Variants in MTUS2 observed in about 807,000 individuals in gnomAD.
The protein encoded by MTUS2 is microtubule-associated tumor suppressor candidate 2.
Under a neutral mutation model 114.1 loss-of-function variants are expected in MTUS2, and 40 were observed. The observed-to-expected ratio is 0.35, with a 90% CI of 0.27 to 0.46. The LOEUF (loss-of-function observed/expected upper bound fraction) is 0.46, where lower values mean the gene tolerates loss of function less well. Among genes scored for constraint, MTUS2 ranks in the 20% least tolerant of loss-of-function variants. MTUS2 has a pLI of 1.00. For synonymous variants in MTUS2, 688 were observed against 672.0 expected (o/e 1.02, Z -0.37); for missense variants, 1,679 against 1,705.4 (o/e 0.98, Z 0.27).
chr13:29,339,355 C>T (rs1358113225), intron 7 of MTUS2, among the ~76,000 whole-genome samples: 1 of 152,162 alleles, frequency 6.6e-6, no homozygotes. Context: ...TCCTGATGGG[C>T]TTGAAAGCTG....
intron 2 of MTUS2, among the ~76,000 whole-genome samples, chr13:28,987,281 G>A (rs1884630627): frequency 1.3e-5 from 2 of 152,162 alleles, no homozygotes; most frequent in South Asian, 2.1e-4. Context: ...GACACACAGA[G>A]GGTGTGGACA....
At chr13:28,863,501 A>AC (rs1023760187) in intron 2 of MTUS2, among the ~76,000 whole-genome samples, 12 of 152,064 alleles carry the variant, frequency 7.9e-5, no homozygotes, top group African/African-American at 2.7e-4. Flanking sequence ...GTATTAGTAA[A>AC]CACCGTTTCT....
At chr13:28,947,131 A>T (rs929599854) in intron 2 of MTUS2, among the ~76,000 whole-genome samples, 1 of 152,182 alleles carries the variant, frequency 6.6e-6, no homozygotes, top group African/African-American at 2.4e-5. Context: ...GGCTTACATA[A>T]GATTTTATAT....
At chr13:28,836,148 T>C (rs1259203392) in intron 1 of MTUS2, among the ~76,000 whole-genome samples, 1 of 152,232 alleles carries the variant, frequency 6.6e-6, no homozygotes, top group East Asian at 1.9e-4. Flanking sequence ...GAATTTAATA[T>C]ATTTTATCTA....
At chr13:28,829,408 T>G (rs1874505357) in intron 1 of MTUS2, among the ~76,000 whole-genome samples, 1 of 151,936 alleles carries the variant, frequency 6.6e-6, no homozygotes, top group Non-Finnish European at 1.5e-5. Context: ...GGTGTGTGTA[T>G]GTAATCTCAG....
chr13:28,886,368 TTA>T (rs940163839), intron 2 of MTUS2, among the ~76,000 whole-genome samples: 3 of 151,584 alleles, frequency 2.0e-5, no homozygotes. Flanking sequence ...AGGCAGGAGA[TTA>T]TAGAGACCTG....
chr13:29,271,523 T>A (rs1392107997), intron 5 of MTUS2, among the ~76,000 whole-genome samples: 1 of 152,184 alleles, frequency 6.6e-6, no homozygotes, highest in Non-Finnish European at 1.5e-5. Flanking sequence ...GTTAGTACCT[T>A]CGCATATCCC....
chr13:29,443,874 G>T (rs886625338), intron 9 of MTUS2, among the ~76,000 whole-genome samples: 1 of 152,108 alleles, frequency 6.6e-6, no homozygotes, highest in Non-Finnish European at 1.5e-5. Context: ...GGAGGGATGT[G>T]GGGGGACATG....
At chr13:28,857,874 G>A (rs1876734990) in intron 2 of MTUS2, among the ~76,000 whole-genome samples, 1 of 152,144 alleles carries the variant, frequency 6.6e-6, no homozygotes, top group African/African-American at 2.4e-5. Context: ...TCTTTCCAGA[G>A]ATCCTTTTGA....
rs71090215 is a variant in MTUS2 at position 28,976,203 on chromosome 13, C to CAAA, written c.-242-48235_-242-48233dup. ...TAGATGACAGAATGAGACCTTGTCT[C>CAAA]AAAAAAAAAAAAAAAAAAAAAGAAA... On this transcript the variant is annotated intron_variant, in intron 2 of 15. Coordinates refer to ENST00000612955, the MANE Select transcript of MTUS2 (RefSeq NM_001033602.4). 8.3e-4 allele frequency among the ~76,000 whole-genome samples: 75 copies of CAAA among 90,120 alleles called. 2 individuals are homozygous for CAAA. Among genetic ancestry groups the CAAA allele is most frequent in the African/African-American group, 2.7e-3 (61 of 22,968 alleles). 59.1% of individuals were successfully genotyped at this position (90,120 alleles called of 152,430 possible).
At chr13:28,982,359 G>A (rs889854986) in intron 2 of MTUS2, among the ~76,000 whole-genome samples, 2 of 145,736 alleles carry the variant, frequency 1.4e-5, no homozygotes, top group Non-Finnish European at 3.0e-5. Context: ...AAAAAAAAAA[G>A]AAAATAGCAA....
chr13:29,040,942 C>A (rs368173380), intron 4 of MTUS2, among the ~76,000 whole-genome samples: 44 of 152,252 alleles, frequency 2.9e-4, no homozygotes, highest in African/African-American at 9.1e-4. Flanking sequence ...TTTTACTGTG[C>A]AGAAGCTTTT....
intron 2 of MTUS2, among the ~76,000 whole-genome samples, chr13:29,001,148 G>T (rs1003784532): frequency 1.3e-5 from 2 of 152,124 alleles, no homozygotes; most frequent in Non-Finnish European, 2.9e-5. Flanking sequence ...CTTTTTGCTG[G>T]GATGCTTCTC....
chr13:29,406,315 C>A (rs1409692542), intron 8 of MTUS2, among the ~76,000 whole-genome samples: 1 of 152,154 alleles, frequency 6.6e-6, no homozygotes, highest in Non-Finnish European at 1.5e-5. Flanking sequence ...GCGATTCTGG[C>A]TCAGGATTGC....
chr13:29,478,924 A>G (rs1472924542), intron 9 of MTUS2, among the ~76,000 whole-genome samples: 2 of 152,168 alleles, frequency 1.3e-5, no homozygotes, highest in Non-Finnish European at 1.5e-5. Context: ...CGAATCCATC[A>G]CTTATTTCAC....
intron 3 of MTUS2, among the ~76,000 whole-genome samples, chr13:29,031,425 G>T (rs927165232): frequency 1.2e-4 from 18 of 151,904 alleles, no homozygotes; most frequent in African/African-American, 4.4e-4. Context: ...TATATAGAGA[G>T]AGATTGATTG....
In MTUS2 at chr13:29,161,167, C is replaced by A. The variant is rs1370427478; in HGVS notation, c.2644+60197C>A. Among the ~76,000 whole-genome samples, 3 of 152,274 alleles carry A rather than the reference C, an allele frequency of 2.0e-5. No homozygotes were observed. The East Asian group carries it at 5.8e-4, about 29-fold the overall frequency. On this transcript the variant is annotated intron_variant, in intron 5 of 15. Coordinates refer to ENST00000612955, the MANE Select transcript of MTUS2 (RefSeq NM_001033602.4). The stretch of plus-strand genomic sequence containing the variant: ...AACTAAATATGCGTGCACACACGTG[C>A]ATACACACAAATGAGTTTAGGTAAA...
At chr13:29,073,053 G>C (rs1428045206) in intron 4 of MTUS2, among the ~76,000 whole-genome samples, 1 of 151,970 alleles carries the variant, frequency 6.6e-6, no homozygotes, top group Non-Finnish European at 1.5e-5. Context: ...AACTCTCTCT[G>C]GTGGTCGTTT....
At chr13:28,892,662 T>G (rs1879002190) in intron 2 of MTUS2, among the ~76,000 whole-genome samples, 1 of 152,202 alleles carries the variant, frequency 6.6e-6, no homozygotes, top group South Asian at 2.1e-4. Flanking sequence ...TTTTTCCTTC[T>G]TGACACTTCT....
Sources: gnomAD v4.1 joint callset for allele counts (sites outside exome capture counted in the v4.1 genomes callset) on GRCh38, gnomAD v4.1.1 for gene constraint, MANE v1.5 for transcripts, NCBI Gene and HGNC (gene_info 2026-07-23, HGNC 2026-07-21) for gene names.